Variants in LY6E observed in about 807,000 individuals in gnomAD.
LY6E encodes the protein lymphocyte antigen 6 family member E.
LY6E carries 4 observed loss-of-function variants against 7.7 expected under a neutral mutation model. The ratio of observed to expected loss-of-function variants is 0.52; its 90% confidence interval spans 0.25 to 1.18. The LOEUF is 1.18. LY6E is among the 50% of genes most tolerant of loss of function. The pLI, the probability that LY6E is intolerant of heterozygous loss-of-function variation, is 0.14. For missense variants in LY6E, 156 were observed against 168.0 expected (o/e 0.93, Z 0.40); for synonymous variants, 81 against 80.1 (o/e 1.01, Z -0.06).
intron 2 of LY6E, 90 bp from the exon 3 acceptor site, chr8:143,021,224 T>C: frequency 1.3e-6 from 2 of 1,535,444 alleles, no homozygotes; most frequent in Non-Finnish European, 1.8e-6. Context: ...GGGCCTGGTA[T>C]ACAGTAATTT....
chr8:143,021,218 C>T, intron 2 of LY6E, 96 bp from the exon 3 acceptor site: 2 of 1,521,954 alleles, frequency 1.3e-6, no homozygotes, highest in Non-Finnish European at 1.8e-6. Flanking sequence ...AGCCCAGGGC[C>T]TGGTATACAG....
intron 3 of LY6E, 37 bp from the exon 4 acceptor site, chr8:143,021,529 G>A (rs760707770): frequency 1.1e-5 from 17 of 1,612,648 alleles, no homozygotes; most frequent in East Asian, 6.7e-5. Context: ...GTCTGCAGCC[G>A]TCTGTCTCTC....
Position 143,022,130 on chromosome 8 carries a change from G to T in LY6E, c.*341G>T. The stretch of plus-strand genomic sequence containing the variant: ...CCGTGTCAGTAGGGATGTGTGCCTG[G>T]CTGTGTACGTGGGTGTGCAGTGCAC... On this transcript the variant is annotated 3_prime_UTR_variant, in exon 4 of 4. Transcript: ENST00000292494. 1 of 440,298 alleles carries T rather than the reference G, an allele frequency of 2.3e-6. No individual in the cohort carries two copies. The allele number at this position is 440,298 out of a possible 1,614,324, so 27.3% of individuals were successfully genotyped here.
At position 143,021,915 on chromosome 8, in the gene LY6E, G is replaced by A. The variant is rs1238731211; in HGVS notation, c.*126G>A. On this transcript the variant is annotated 3_prime_UTR_variant, in exon 4 of 4. Coordinates refer to ENST00000292494, the MANE Select transcript of LY6E (RefSeq NM_002346.3). Reference sequence around the variant, plus strand: ...ATCTGTGCCCTTGGTCCCAGGTCAGGCCCACCCCCTGCACCTCCACCTGCC... The same window carrying A: ...ATCTGTGCCCTTGGTCCCAGGTCAGACCCACCCCCTGCACCTCCACCTGCC... 1.6e-5 allele frequency: 14 copies of A among 862,204 alleles called. No homozygotes were observed. The highest frequency in any genetic ancestry group is 2.3e-5 in the Non-Finnish European group (13 of 574,302). The allele number at this position is 862,204 out of a possible 1,614,324, so 53.4% of individuals were successfully genotyped here.
Position 143,021,418 on chromosome 8 carries a change from G to A in LY6E, c.157G>A (p.Ala53Thr). Residue 53 changes from alanine (A) to threonine (T), a missense_variant, in exon 3 of 4, where the codon GCT (alanine) becomes ACT (threonine). Transcript: ENST00000292494. ...GGACAACTACTGCGTGACTGTGTCT[G>A]CTAGTGCCGGCATTGGTGAGTGCCA... ...DQDNYCVTVS[A>T]SAGIGNLVTF... 6.2e-7 allele frequency: 1 copy of A among 1,614,000 alleles called. No individual in the cohort carries two copies.
chr8:143,021,117 C>T (rs560555326), intron 2 of LY6E, 126 bp downstream of exon 2: 23 of 1,265,226 alleles, frequency 1.8e-5, no homozygotes, highest in Admixed American at 4.1e-5. Flanking sequence ...AGGGCTCACC[C>T]GGCCTGGCCA....
At chr8:143,021,173 C>A in intron 2 of LY6E, 141 bp from the exon 3 acceptor site, 1 of 1,303,974 alleles carries the variant, frequency 7.7e-7, no homozygotes, top group Non-Finnish European at 1.1e-6. Context: ...TGCTCGACGG[C>A]CAGGGTGGGG....
chr8:143,020,295 G>A (rs1819185813), intron 1 of LY6E: 1 of 153,392 alleles, frequency 6.5e-6, no homozygotes, highest in Non-Finnish European at 1.5e-5. Flanking sequence ...GCAGTGCAGT[G>A]GCATGATCAT....
At chr8:143,020,203 T>C (rs1819183144) in intron 1 of LY6E, 1 of 152,250 alleles carries the variant, frequency 6.6e-6, no homozygotes, top group African/African-American at 2.4e-5. Flanking sequence ...GATTAGCTAA[T>C]ATACACTGAC....
chr8:143,021,559 C>T lies in LY6E; in HGVS notation c.173-7C>T, dbSNP rs751834896. On this transcript the variant is annotated splice_region_variant and splice_polypyrimidine_tract_variant and intron_variant, in intron 3 of 3. Coordinates refer to ENST00000292494, the MANE Select transcript of LY6E (RefSeq NM_002346.3). ...TCTCTCCCCTGACAGCCTCATTTCC[C>T]ATGCAGGGAATCTCGTGACATTTGG... 3 of 1,613,792 alleles carry T rather than the reference C, an allele frequency of 1.9e-6. No individual in the cohort carries two copies. Among genetic ancestry groups the T allele is most frequent in the Middle Eastern group, 3.3e-4 (2 of 6,062 alleles).
rs1460660536 is a variant in LY6E, at chr8:143,021,645, T to C, written c.252T>C (p.Gly84=). The C allele has an allele frequency of 1.2e-6, 2 of 1,613,814 alleles. No individual in the cohort carries two copies. The highest frequency in any genetic ancestry group is 2.7e-5 in the African/African-American group (2 of 74,930). ...CCATCCCAGAAGGCGTCAATGTTGG[T>C]GTGGCTTCCATGGGCATCAGCTGCT... is the stretch of plus-strand genomic sequence containing the variant. The part of the protein sequence containing the change: ...ACPIPEGVNV[G]VASMGISCCQ... The change falls in exon 4 of 4, where the codon GGT becomes GGC. Residue 84 remains glycine (G), a synonymous_variant. Transcript: ENST00000292494.
Position 143,020,877 on chromosome 8 carries a change from C to G in LY6E, c.-57-6C>G. 2 of 1,525,802 alleles carry G rather than the reference C, an allele frequency of 1.3e-6. No individual in the cohort carries two copies. Among genetic ancestry groups the G allele is most frequent in the Non-Finnish European group, 9.1e-7 (1 of 1,104,366 alleles). 94.5% of individuals were successfully genotyped at this position (1,525,802 alleles called of 1,614,324 possible). ...ACCCGGCCCCCTAACCAGTGTGTCT[C>G]TCCAGAGCAGGACAGGCTGCTTTGG... On this transcript the variant is annotated splice_polypyrimidine_tract_variant and splice_region_variant and intron_variant, in intron 1 of 3. Transcript: ENST00000292494.
chr8:143,020,274 T>G (rs1308232990), intron 1 of LY6E: 1 of 152,786 alleles, frequency 6.5e-6, no homozygotes, highest in African/African-American at 2.4e-5. Flanking sequence ...TCTCACTCTG[T>G]TGCCCAGGCT....
At position 143,021,786 on chromosome 8, in the gene LY6E, C is replaced by G; in HGVS notation, c.393C>G (p.Pro131=). 1 of 1,599,968 alleles carries G rather than the reference C, an allele frequency of 6.3e-7. No individual in the cohort carries two copies. Among genetic ancestry groups the G allele is most frequent in the South Asian group, 1.1e-5 (1 of 89,958 alleles). ...TGCCGGCCCTGCTGCGGTTTGGCCC[C>G]TGACCGCCCAGACCCTGTCCCCCGA... The part of the protein sequence containing the change: ...SLLPALLRFG[P] The change falls in exon 4 of 4, where the codon CCC becomes CCG. Residue 131 remains proline, a synonymous_variant. Transcript: ENST00000292494.
intron 1 of LY6E, among the ~76,000 whole-genome samples, chr8:143,019,854 A>G (rs1482059155): frequency 1.3e-5 from 2 of 152,202 alleles, no homozygotes; most frequent in Admixed American, 1.3e-4. Context: ...ATGCACTCAC[A>G]AAACAGAGAA....
At position 143,021,727 on chromosome 8, in the gene LY6E, A is replaced by T. The variant is rs1452406594; in HGVS notation, c.334A>T (p.Thr112Ser). 1 of 1,612,712 alleles carries T rather than the reference A, an allele frequency of 6.2e-7. No homozygotes were observed. The highest frequency in any genetic ancestry group is 8.5e-7 in the Non-Finnish European group (1 of 1,179,964). Residue 112 changes from threonine (T) to serine (S), a missense_variant, in exon 4 of 4, where the codon ACC becomes TCC. Coordinates refer to ENST00000292494, the MANE Select transcript of LY6E (RefSeq NM_002346.3). ...CGATGGCGGGCTGCGGGCAAGCGTC[A>T]CCCTGCTGGGTGCCGGGCTGCTGCT... ...AADGGLRASV[T>S]LLGAGLLLSL...
intron 2 of LY6E, among the ~76,000 whole-genome samples, 156 bp from the exon 3 acceptor site, chr8:143,021,158 T>A (rs1223199508): frequency 6.6e-6 from 1 of 152,142 alleles, no homozygotes; most frequent in South Asian, 2.1e-4. Context: ...GAGTGTCGCT[T>A]GACCTGCTCG....
intron 1 of LY6E, among the ~76,000 whole-genome samples, 167 bp from the exon 2 acceptor site, chr8:143,020,716 A>G (rs538356073): frequency 1.3e-5 from 2 of 152,336 alleles, no homozygotes; most frequent in South Asian, 2.1e-4. Context: ...AGCCTAGAGC[A>G]TGTCTGCACT....
At chr8:143,019,477 C>G (rs1308343907) in intron 1 of LY6E, among the ~76,000 whole-genome samples, 1 of 152,220 alleles carries the variant, frequency 6.6e-6, no homozygotes, top group Non-Finnish European at 1.5e-5. Flanking sequence ...CTAGGACTTC[C>G]TCAGAGACAG....
Sources: allele counts gnomAD v4.1 joint callset (sites outside exome capture counted in the v4.1 genomes callset), GRCh38; gene constraint gnomAD v4.1.1; transcripts MANE v1.5; gene names NCBI Gene and HGNC (gene_info 2026-07-23, HGNC 2026-07-21).